The following SSBP4 variants were observed in gnomAD, a reference collection of about 807,000 sequenced individuals.
SSBP4 encodes the protein single-stranded DNA-binding protein 4.
In SSBP4, 33 loss-of-function variants were observed where a neutral mutation model predicts 64.6. The observed-to-expected ratio is 0.51, with a 90% CI of 0.39 to 0.68. The LOEUF (loss-of-function observed/expected upper bound fraction) is 0.68, where lower values mean the gene tolerates loss of function less well. Among genes scored for constraint, SSBP4 ranks in the 30% least tolerant of loss-of-function variants. The pLI, the probability that SSBP4 is intolerant of heterozygous loss-of-function variation, is 0.00. For synonymous variants in SSBP4, 243 were observed against 224.0 expected (o/e 1.08, Z -0.76); for missense variants, 583 against 566.8 (o/e 1.03, Z -0.29).
intron 5 of SSBP4, among the ~76,000 whole-genome samples, 156 bp downstream of exon 5, chr19:18,431,086 A>G (rs1278332802): frequency 6.6e-6 from 1 of 152,144 alleles, no homozygotes; most frequent in Non-Finnish European, 1.5e-5. Context: ...TGGGCCTTTC[A>G]GGGGCCAGCG....
At chr19:18,433,398 A>C in intron 15 of SSBP4, 185 bp downstream of exon 15, 7 of 1,261,330 alleles carry the variant, frequency 5.5e-6, no homozygotes, top group Non-Finnish European at 7.7e-6. Context: ...AAACCAGAGG[A>C]TGCACTGACC....
At chr19:18,422,446 G>A (rs1972528947) in intron 1 of SSBP4, among the ~76,000 whole-genome samples, 1 of 152,188 alleles carries the variant, frequency 6.6e-6, no homozygotes, top group East Asian at 1.9e-4. Flanking sequence ...TCCATTTCAC[G>A]GAGAGGGTCT....
At chr19:18,433,367 C>G in intron 15 of SSBP4, 154 bp downstream of exon 15, 1 of 1,268,050 alleles carries the variant, frequency 7.9e-7, no homozygotes, top group Non-Finnish European at 1.1e-6. Flanking sequence ...CTGCCCCGAG[C>G]TGGAGGGGGA....
At position 18,419,550 on chromosome 19, in the gene SSBP4, C is replaced by T. The variant is rs1212572507; in HGVS notation, c.-99C>T. The T allele has an allele frequency of 1.0e-5, 12 of 1,149,956 alleles. No individual in the cohort carries two copies. The highest frequency in any genetic ancestry group is 1.3e-5 in the Non-Finnish European group (12 of 933,152). The allele number at this position is 1,149,956 out of a possible 1,614,324, so 71.2% of individuals were successfully genotyped here. A position where few individuals can be genotyped will look rare whatever the true frequency, so the allele number is the denominator to read the frequency against. ...TGCCGTGCCCGCCTGGGGCTCGGGG[C>T]GGTGAGGCCCGGGGCGCGGGGTAGC... On this transcript the variant is annotated 5_prime_UTR_variant, in exon 1 of 18. Coordinates refer to ENST00000270061, the MANE Select transcript of SSBP4 (RefSeq NM_032627.5).
At chr19:18,414,707 G>A (rs1014923615), upstream of SSBP4, among the ~76,000 whole-genome samples, 8 of 152,178 alleles carry the variant, frequency 5.3e-5, no homozygotes, top group African/African-American at 1.9e-4. Context: ...GACGGACGTG[G>A]GGGTGTGAGT....
Position 18,431,278 on chromosome 19 carries a change from A to T in SSBP4, c.370-75A>T. On this transcript the variant is annotated intron_variant, in intron 5 of 17. Coordinates refer to ENST00000270061, the MANE Select transcript of SSBP4 (RefSeq NM_032627.5). ...CAGGCTGGCCCACCCCTCTGCCTCC[A>T]TGGAGCCCCTCCCCTCCTCAGCCAA... The T allele has an allele frequency of 5.9e-6, 3 of 507,696 alleles. No individual in the cohort carries two copies. The South Asian group carries it at 6.6e-5, about 11-fold the overall frequency. The allele number at this position is 507,696 out of a possible 1,614,324, so 31.4% of individuals were successfully genotyped here.
At position 18,434,335 on chromosome 19, in the gene SSBP4, A is replaced by G. The variant is rs1055507223; in HGVS notation, c.*89A>G. ...GAGGGGCTGAGGTCACACCTCGGGCACCTGGACTCCTGGCCAATCAAGGCT... is the reference window on the plus strand; with the variant it reads ...GAGGGGCTGAGGTCACACCTCGGGCGCCTGGACTCCTGGCCAATCAAGGCT... On this transcript the variant is annotated 3_prime_UTR_variant, in exon 18 of 18. Coordinates refer to ENST00000270061, the MANE Select transcript of SSBP4 (RefSeq NM_032627.5). The G allele has an allele frequency of 1.3e-6, 2 of 1,549,798 alleles. No homozygotes were observed. Among genetic ancestry groups the G allele is most frequent in the African/African-American group, 2.8e-5 (2 of 72,098 alleles).
intron 1 of SSBP4, among the ~76,000 whole-genome samples, chr19:18,421,699 G>A (rs1972477481): frequency 6.6e-6 from 1 of 152,248 alleles, no homozygotes; most frequent in African/African-American, 2.4e-5. Context: ...AAAAGGAGCT[G>A]GGGCTGGGCC....
At chr19:18,432,675 T>C in intron 11 of SSBP4, 25 bp from the exon 12 acceptor site, 1 of 1,559,248 alleles carries the variant, frequency 6.4e-7, no homozygotes, top group African/African-American at 1.4e-5. Context: ...CCTGGCTGAC[T>C]GCTCACAGCT....
chr19:18,419,297 G>C, upstream of SSBP4: 2 of 1,001,998 alleles, frequency 2.0e-6, no homozygotes, highest in Non-Finnish European at 1.2e-6. Flanking sequence ...CCGGCGGCGG[G>C]ACCCACCCGC....
the SSBP4 span, among the ~76,000 whole-genome samples, chr19:18,408,685 G>GT: frequency 6.6e-6 from 1 of 152,180 alleles, no homozygotes; most frequent in Non-Finnish European, 1.5e-5. Context: ...TAGAGACAGG[G>GT]TTTTGCCATG....
In SSBP4 at chr19:18,430,893, C is replaced by A; in HGVS notation, c.332C>A (p.Thr111Lys). The A allele has an allele frequency of 1.2e-6, 2 of 1,613,354 alleles. No individual in the cohort carries two copies. Among genetic ancestry groups the A allele is most frequent in the Non-Finnish European group, 1.7e-6 (2 of 1,179,910 alleles). ...PVMGSMAPGD[T>K]MAAGSMAAGF... Reference sequence around the variant, plus strand: ...ATGGGGAGTATGGCCCCAGGTGACACAATGGCCGCAGGCTCCATGGCGGCT... The same window carrying A: ...ATGGGGAGTATGGCCCCAGGTGACAAAATGGCCGCAGGCTCCATGGCGGCT... The change falls in exon 5 of 18, where the codon ACA becomes AAA. Residue 111 changes from threonine (T) to lysine (K), a missense_variant. Physicochemically the swap from Thr to Lys is moderately conservative, Grantham distance 78. Transcript: ENST00000270061.
In SSBP4 at chr19:18,431,374, T is replaced by TC; in HGVS notation, c.397dup (p.His133ProfsTer146). The TC allele has an allele frequency of 4.1e-6, 4 of 965,656 alleles. No individual in the cohort carries two copies. The highest frequency in any genetic ancestry group is 4.1e-5 in the Admixed American group (1 of 24,686). The allele number at this position is 965,656 out of a possible 1,614,324, so 59.8% of individuals were successfully genotyped here. ...CTAGGGCCCCCCCGGCTCCCAGCCGTCCCCCCACAACCCCAACGCCCCCAT... is the reference window on the plus strand; with the variant it reads ...CTAGGGCCCCCCCGGCTCCCAGCCGTCCCCCCCACAACCCCAACGCCCCCAT... On this transcript the variant is annotated frameshift_variant, in exon 6 of 18. Transcript: ENST00000270061. LOFTEE classifies it high-confidence loss of function.
In SSBP4 at chr19:18,430,986, G is replaced by A. The variant is rs965729715; in HGVS notation, c.369+56G>A. ...CAACTCTGGCTGAACATGCGTTTGA[G>A]GGTGGGGGGGGTCCCACGTGGGCAG... On this transcript the variant is annotated intron_variant, in intron 5 of 17. Coordinates refer to ENST00000270061, the MANE Select transcript of SSBP4 (RefSeq NM_032627.5). 14 of 1,578,074 alleles carry A rather than the reference G, an allele frequency of 8.9e-6. No homozygotes were observed. The African/African-American group carries it at 1.6e-4, about 18-fold the overall frequency.
the SSBP4 span, among the ~76,000 whole-genome samples, chr19:18,407,366 A>C: frequency 6.6e-6 from 1 of 151,806 alleles, no homozygotes; most frequent in African/African-American, 2.4e-5. Flanking sequence ...TAACATGAGA[A>C]GACCTTGTTT....
intron 17 of SSBP4, 89 bp from the exon 18 acceptor site, chr19:18,434,128 C>T (rs1376935249): frequency 3.8e-6 from 6 of 1,589,684 alleles, no homozygotes; most frequent in Admixed American, 1.8e-5. Flanking sequence ...CCCAGCCCTG[C>T]CCTGTCCCCC....
In SSBP4 at chr19:18,433,628, C is replaced by A. The variant is rs769352629; in HGVS notation, c.1020+15C>A. The A allele has an allele frequency of 1.5e-6, 2 of 1,328,836 alleles. No homozygotes were observed. The highest frequency in any genetic ancestry group is 1.7e-5 in the African/African-American group (1 of 60,062). 82.3% of individuals were successfully genotyped at this position (1,328,836 alleles called of 1,614,324 possible). ...GGTTGCCGAAGGTAAGGAGGCTGCG[C>A]TCTTGCCGGGGGTGGGATCCGGGGG... On this transcript the variant is annotated intron_variant, in intron 16 of 17. Transcript: ENST00000270061.
At position 18,434,381 on chromosome 19, in the gene SSBP4, C is replaced by A. The variant is rs1036263590; in HGVS notation, c.*135C>A. On this transcript the variant is annotated 3_prime_UTR_variant, in exon 18 of 18. Coordinates refer to ENST00000270061, the MANE Select transcript of SSBP4 (RefSeq NM_032627.5). ...AGGCTTGCCCAGCTGGGAGGCCCCACACGAAAGACTCTTACCATTTTATTA... is the reference window on the plus strand; with the variant it reads ...AGGCTTGCCCAGCTGGGAGGCCCCAAACGAAAGACTCTTACCATTTTATTA... 29 of 1,428,740 alleles carry A rather than the reference C, an allele frequency of 2.0e-5. No homozygotes were observed. The highest frequency in any genetic ancestry group is 2.2e-5 in the Non-Finnish European group (24 of 1,084,030). 88.5% of individuals were successfully genotyped at this position (1,428,740 alleles called of 1,614,324 possible). A position where few individuals can be genotyped will look rare whatever the true frequency, so the allele number is the denominator to read the frequency against.
intron 1 of SSBP4, among the ~76,000 whole-genome samples, chr19:18,420,474 C>CTCGGGGTGGG: frequency 6.6e-6 from 1 of 151,920 alleles, no homozygotes; most frequent in Non-Finnish European, 1.5e-5. Context: ...GGGAGTCAGC[C>CTCGGGGTGGG]GAGTGTGCTC....
Sources: gnomAD v4.1 joint callset for allele counts (sites outside exome capture counted in the v4.1 genomes callset) on GRCh38, gnomAD v4.1.1 for gene constraint, MANE v1.5 for transcripts, NCBI Gene and HGNC (gene_info 2026-07-23, HGNC 2026-07-21) for gene names.